The following PCDHA6 variants were observed in gnomAD, a reference collection of about 807,000 sequenced individuals.
The protein encoded by PCDHA6 is protocadherin alpha 6, also known as protocadherin alpha-6.
A neutral mutation model predicts 60.3 loss-of-function variants in PCDHA6; 55 were observed. The observed-to-expected ratio is 0.91, with a 90% confidence interval of 0.73 to 1.14. PCDHA6 has a LOEUF of 1.14. Ranked by LOEUF, PCDHA6 falls within the 50% of genes most tolerant of loss-of-function variation. The probability of loss-of-function intolerance (pLI) is 0.00; values close to 1 mark genes in which losing one functional copy is unlikely to be tolerated. For synonymous variants in PCDHA6, 652 were observed against 557.9 expected, an observed-to-expected ratio of 1.17 and a Z score of -2.38; for missense variants, 1,327 against 1,256.5, an observed-to-expected ratio of 1.06 and a Z score of -0.85.
rs182357788 is a variant in PCDHA6, at chr5:140,944,436, C to T, written c.2395-34513C>T. Among the ~76,000 whole-genome samples, 220 of 152,278 alleles carry T rather than the reference C, an allele frequency of 1.4e-3. 1 individual carries two copies. Among genetic ancestry groups the T allele is most frequent in the African/African-American group, 4.9e-3 (204 of 41,560 alleles). The stretch of plus-strand genomic sequence containing the variant: ...TCCTGATCTGAAGTGGTCTGCCTGC[C>T]TCGGCCTCCCAAAGTGCTGGGATTA... On this transcript the variant is annotated intron_variant, in intron 1 of 3. Coordinates refer to ENST00000529310, the MANE Select transcript of PCDHA6 (RefSeq NM_018909.4).
chr5:140,869,469 G>A lies in PCDHA6; in HGVS notation c.2394+38984G>A, dbSNP rs781981842. The A allele has an allele frequency of 2.0e-5, 32 of 1,614,092 alleles. No individual in the cohort carries two copies. In the East Asian group the frequency reaches 5.1e-4, roughly 26 times the overall value. On this transcript the variant is annotated intron_variant, in intron 1 of 3. Coordinates refer to ENST00000529310, the MANE Select transcript of PCDHA6 (RefSeq NM_018909.4). Reference sequence around the variant, plus strand: ...TGCAGGTTTTCCATGTGAACGTGGAGGTGAAGGACATTAACGACAACCCGC... The same window carrying A: ...TGCAGGTTTTCCATGTGAACGTGGAAGTGAAGGACATTAACGACAACCCGC...
At chr5:140,969,661 G>A (rs2096351521) in intron 1 of PCDHA6, among the ~76,000 whole-genome samples, 2 of 152,166 alleles carry the variant, frequency 1.3e-5, no homozygotes, top group Non-Finnish European at 2.9e-5. Context: ...GTTTTAGGGA[G>A]TAATGTTATG....
intron 3 of PCDHA6, among the ~76,000 whole-genome samples, chr5:141,008,075 G>A (rs1002549445): frequency 2.0e-5 from 3 of 152,004 alleles, no homozygotes; most frequent in Non-Finnish European, 1.5e-5. Flanking sequence ...GAACTTATTG[G>A]GGTTATTCTA....
chr5:140,841,818 C>G, intron 1 of PCDHA6: 1 of 1,613,912 alleles, frequency 6.2e-7, no homozygotes, highest in African/African-American at 1.3e-5. Context: ...GGAGCTAACT[C>G]CGTGTTAACC....
chr5:140,929,613 C>A, intron 1 of PCDHA6: 6 of 406,162 alleles, frequency 1.5e-5, no homozygotes, highest in Non-Finnish European at 2.7e-5. Flanking sequence ...AATAAAATAC[C>A]AAAATATTTT....
intron 1 of PCDHA6, among the ~76,000 whole-genome samples, chr5:140,964,114 C>T (rs1227257943): frequency 6.6e-6 from 1 of 151,992 alleles, no homozygotes; most frequent in Non-Finnish European, 1.5e-5. Context: ...TGAGCAATCA[C>T]ATTCTAACAA....
intron 1 of PCDHA6, among the ~76,000 whole-genome samples, chr5:140,965,879 G>A (rs920261632): frequency 6.6e-6 from 1 of 152,216 alleles, no homozygotes; most frequent in Non-Finnish European, 1.5e-5. Flanking sequence ...ACTTGGCCGA[G>A]AGCAGAATTG....
At chr5:140,927,248 A>G in intron 1 of PCDHA6, 1 of 1,614,064 alleles carries the variant, frequency 6.2e-7, no homozygotes. Flanking sequence ...GACACCAATG[A>G]CAACTCACCT....
intron 1 of PCDHA6, chr5:140,834,582 G>C (rs1554134344): frequency 5.6e-6 from 9 of 1,614,016 alleles, no homozygotes; most frequent in Non-Finnish European, 7.6e-6. Flanking sequence ...GTTCCGGGCG[G>C]TGTGCAAATT....
rs1554262551 is a variant in PCDHA6, at chr5:141,009,910, C to T, written c.2826C>T (p.Asn942=). 1 of 1,612,616 alleles carries T rather than the reference C, an allele frequency of 6.2e-7. No individual in the cohort carries two copies. Among genetic ancestry groups the T allele is most frequent in the Middle Eastern group, 1.7e-4 (1 of 6,048 alleles). Residue 942 remains asparagine (N), a synonymous_variant, in exon 4 of 4, where the codon AAC becomes AAT. Transcript: ENST00000529310. ...NKTQEKKEKG[N]STTDNSDQ Reference sequence around the variant, plus strand: ...CCCAGGAGAAAAAAGAGAAAGGGAACAGCACGACTGACAACAGTGACCAGT... The same window carrying T: ...CCCAGGAGAAAAAAGAGAAAGGGAATAGCACGACTGACAACAGTGACCAGT...
intron 3 of PCDHA6, among the ~76,000 whole-genome samples, chr5:141,008,432 C>T (rs2098376587): frequency 6.6e-6 from 1 of 152,082 alleles, no homozygotes. Context: ...ATCACTTTGC[C>T]CAGACAGACC....
At chr5:141,000,429 T>A (rs1327595966) in intron 3 of PCDHA6, among the ~76,000 whole-genome samples, 40 of 124,862 alleles carry the variant, frequency 3.2e-4, no homozygotes, top group African/African-American at 1.1e-3. Flanking sequence ...ATATTTTTTT[T>A]TTTTTTTTTT....
At chr5:140,868,032 C>T (rs1456286268) in intron 1 of PCDHA6, 1 of 152,026 alleles carries the variant, frequency 6.6e-6, no homozygotes, top group Non-Finnish European at 1.5e-5. Flanking sequence ...ATGTTGGTGA[C>T]TTGGAAATAC....
Position 140,966,357 on chromosome 5 carries a change from T to A in PCDHA6, c.2395-12592T>A, listed in dbSNP as rs3756326. ...AGGTCCAGGGTGAAGGAGATGGGGCTGGAGAGGCTGAGCAGTCCGGGTTCG... is the reference window on the plus strand; with the variant it reads ...AGGTCCAGGGTGAAGGAGATGGGGCAGGAGAGGCTGAGCAGTCCGGGTTCG... On this transcript the variant is annotated intron_variant, in intron 1 of 3. Coordinates refer to ENST00000529310, the MANE Select transcript of PCDHA6 (RefSeq NM_018909.4). The A allele has an allele frequency of 3.3e-4, 131 of 400,654 alleles. 3 individuals are homozygous for A. Among genetic ancestry groups the A allele is most frequent in the East Asian group, 2.0e-3 (56 of 27,900 alleles). The allele number at this position is 400,654 out of a possible 1,614,324, so 24.8% of individuals were successfully genotyped here.
At chr5:140,858,143 A>G in intron 1 of PCDHA6, 2 of 1,597,218 alleles carry the variant, frequency 1.3e-6, no homozygotes, top group Non-Finnish European at 1.7e-6. Flanking sequence ...CGTGTACCTG[A>G]TCATCGCCAT....
chr5:140,969,110 C>T (rs1380719565), intron 1 of PCDHA6: 5 of 1,614,064 alleles, frequency 3.1e-6, no homozygotes, highest in Non-Finnish European at 3.4e-6. Flanking sequence ...CATTGAAGTT[C>T]GAGGGAATGG....
At chr5:140,898,150 G>A (rs373714901) in intron 1 of PCDHA6, among the ~76,000 whole-genome samples, 6 of 152,198 alleles carry the variant, frequency 3.9e-5, no homozygotes, top group African/African-American at 9.6e-5. Flanking sequence ...GCCTGTTCAC[G>A]CTGATGGTGG....
At chr5:140,856,187 A>G (rs781874204) in intron 1 of PCDHA6, 4 of 1,598,212 alleles carry the variant, frequency 2.5e-6, no homozygotes, top group African/African-American at 2.7e-5. Flanking sequence ...CGTGGGCCGC[A>G]TCGCGCAGGA....
chr5:140,922,098 A>G (rs1193331436), intron 1 of PCDHA6, among the ~76,000 whole-genome samples: 2 of 152,176 alleles, frequency 1.3e-5, no homozygotes, highest in Non-Finnish European at 2.9e-5. Context: ...TCTACCAACT[A>G]TAGATAAATG....
Sources: allele counts gnomAD v4.1 joint callset (sites outside exome capture counted in the v4.1 genomes callset), GRCh38; gene constraint gnomAD v4.1.1; transcripts MANE v1.5; gene names NCBI Gene and HGNC (gene_info 2026-07-23, HGNC 2026-07-21).